USP10: variants seen among roughly 807,000 people sequenced by gnomAD.
The protein encoded by USP10 is ubiquitin specific peptidase 10.
Under a neutral mutation model 84.5 loss-of-function variants are expected in USP10, and 22 were observed. The ratio of observed to expected loss-of-function variants is 0.26; its 90% CI spans 0.19 to 0.37. The LOEUF (loss-of-function observed/expected upper bound fraction) is 0.37, where lower values mean the gene tolerates loss of function less well. USP10 is among the 10% of genes least tolerant of loss of function. USP10 has a pLI of 1.00. For missense variants in USP10, 1,019 were observed against 998.9 expected, an observed-to-expected ratio of 1.02 and a Z score of -0.27; for synonymous variants, 454 against 387.6, an observed-to-expected ratio of 1.17 and a Z score of -2.01.
rs201116534 is a variant in USP10, at chr16:84,734,250, TTTC to T, written c.90+750_90+752del. 7.2e-4 allele frequency among the ~76,000 whole-genome samples: 104 copies of T among 144,774 alleles called. 1 individual carries two copies. In the East Asian group the frequency reaches 0.016, roughly 22 times the overall value. 95.0% of individuals were successfully genotyped at this position (144,774 alleles called of 152,430 possible). ...ATTCCCATCAGCAGTGCATGGGAGT[TTTC>T]TTGCTCGTATTAAAAAAAAAATCTT... On this transcript the variant is annotated intron_variant, in intron 2 of 13. Transcript: ENST00000219473.
intron 4 of USP10, among the ~76,000 whole-genome samples, chr16:84,748,973 A>T (rs1911580214): frequency 6.6e-6 from 1 of 152,166 alleles, no homozygotes; most frequent in African/African-American, 2.4e-5. Context: ...AGATGTTTTA[A>T]TTTTCTGAGC....
chr16:84,720,202 A>G (rs1907599746), intron 1 of USP10, among the ~76,000 whole-genome samples: 1 of 152,068 alleles, frequency 6.6e-6, no homozygotes, highest in South Asian at 2.1e-4. Flanking sequence ...TTCTTTTTTC[A>G]TGGATGTCCT....
At chr16:84,738,841 C>T (rs1597339460) in intron 2 of USP10, among the ~76,000 whole-genome samples, 1 of 152,102 alleles carries the variant, frequency 6.6e-6, no homozygotes, top group Non-Finnish European at 1.5e-5. Context: ...GAGAACTCAG[C>T]TGAGGAAGCC....
At chr16:84,708,582 A>G (rs1185325089) in intron 1 of USP10, among the ~76,000 whole-genome samples, 2 of 152,190 alleles carry the variant, frequency 1.3e-5, no homozygotes, top group Non-Finnish European at 2.9e-5. Flanking sequence ...GAATAATGAG[A>G]AACTGGGTAA....
chr16:84,769,583 T>TTGAC (rs71384836), intron 11 of USP10, among the ~76,000 whole-genome samples: 1 of 151,408 alleles, frequency 6.6e-6, no homozygotes, highest in Admixed American at 6.6e-5. Context: ...CAGTTGTGCA[T>TTGAC]TGTGGGTGAC....
intron 1 of USP10, among the ~76,000 whole-genome samples, chr16:84,719,695 G>A (rs1344813275): frequency 6.6e-6 from 1 of 152,184 alleles, no homozygotes; most frequent in African/African-American, 2.4e-5. Flanking sequence ...CCCATAAGGG[G>A]GACTTTGAAG....
chr16:84,721,701 G>T (rs1353723182), intron 1 of USP10, among the ~76,000 whole-genome samples: 1 of 151,544 alleles, frequency 6.6e-6, no homozygotes, highest in African/African-American at 2.4e-5. Context: ...GCTTTGTTTT[G>T]TTTTGTTTTG....
At chr16:84,748,145 C>G (rs963534486) in intron 4 of USP10, among the ~76,000 whole-genome samples, 12 of 74,418 alleles carry the variant, frequency 1.6e-4, no homozygotes, top group Admixed American at 6.1e-4. Flanking sequence ...CAGAGCCAGA[C>G]TCCATCTCAA....
chr16:84,741,745 G>T (rs567444898), intron 3 of USP10, among the ~76,000 whole-genome samples: 18 of 152,168 alleles, frequency 1.2e-4, no homozygotes, highest in Non-Finnish European at 2.6e-4. Context: ...GCTTTTCTCT[G>T]CAGCCTTTCT....
chr16:84,756,979 G>A (rs148747194), intron 4 of USP10, among the ~76,000 whole-genome samples: 1 of 152,324 alleles, frequency 6.6e-6, no homozygotes, highest in African/African-American at 2.4e-5. Flanking sequence ...AACCTCTTGA[G>A]TCAGGTGGAC....
At position 84,769,319 on chromosome 16, in the gene USP10, T is replaced by G. The variant is rs80153232; in HGVS notation, c.1998+961T>G. 8.2e-3 allele frequency among the ~76,000 whole-genome samples: 1,255 copies of G among 152,262 alleles called. 9 individuals carry two copies. Among genetic ancestry groups the G allele is most frequent in the African/African-American group, 0.029 (1,196 of 41,536 alleles). On this transcript the variant is annotated intron_variant, in intron 11 of 13. Coordinates refer to ENST00000219473, the MANE Select transcript of USP10 (RefSeq NM_005153.3). ...TAGGACATAGGGACCCTTAGCACCTTCGGGGTGTCCTGCTGTGGACTGGTT... is the reference window on the plus strand; with the variant it reads ...TAGGACATAGGGACCCTTAGCACCTGCGGGGTGTCCTGCTGTGGACTGGTT...
chr16:84,708,444 C>A (rs1251189478), intron 1 of USP10, among the ~76,000 whole-genome samples: 1 of 152,108 alleles, frequency 6.6e-6, no homozygotes, highest in Non-Finnish European at 1.5e-5. Context: ...GAGTGAAACT[C>A]CATCTCAAAA....
intron 3 of USP10, among the ~76,000 whole-genome samples, chr16:84,740,720 G>A (rs1910525174): frequency 6.6e-6 from 1 of 152,252 alleles, no homozygotes; most frequent in South Asian, 2.1e-4. Flanking sequence ...GCTGGCTCCA[G>A]CGCCAGCTAG....
chr16:84,755,056 A>G (rs1363112043), intron 4 of USP10, among the ~76,000 whole-genome samples: 1 of 151,744 alleles, frequency 6.6e-6, no homozygotes, highest in African/African-American at 2.4e-5. Flanking sequence ...TGGCTGTGCA[A>G]TGCTTTCCTT....
chr16:84,711,217 C>T (rs755689407), intron 1 of USP10, among the ~76,000 whole-genome samples: 46 of 152,168 alleles, frequency 3.0e-4, no homozygotes, highest in African/African-American at 8.4e-4. Flanking sequence ...TGCCAGGGCC[C>T]GTGTTGGGAT....
chr16:84,717,343 C>G (rs917950648), intron 1 of USP10, among the ~76,000 whole-genome samples: 1 of 152,138 alleles, frequency 6.6e-6, no homozygotes, highest in Non-Finnish European at 1.5e-5. Flanking sequence ...AAATTTTGTG[C>G]AGATTAAATG....
At chr16:84,758,407 A>AAT (rs988458146) in intron 4 of USP10, among the ~76,000 whole-genome samples, 22 of 152,318 alleles carry the variant, frequency 1.4e-4, no homozygotes, top group African/African-American at 5.3e-4. Flanking sequence ...TCTATTCTCT[A>AAT]ATAATGATAC....
rs1915365183 is a variant in USP10, at chr16:84,779,649, C to T, written c.*567C>T. 1 of 152,818 alleles carries T rather than the reference C, an allele frequency of 6.5e-6. No individual in the cohort carries two copies. The highest frequency in any genetic ancestry group is 2.1e-4 in the South Asian group (1 of 4,826). 9.5% of individuals were successfully genotyped at this position (152,818 alleles called of 1,614,324 possible). A position where few individuals can be genotyped will look rare whatever the true frequency, so the allele number is the denominator to read the frequency against. ...TGTACTGAGAGAAACTGCTTACGTACACATTGCAGATCAAATATTTGGAGT... is the reference window on the plus strand; with the variant it reads ...TGTACTGAGAGAAACTGCTTACGTATACATTGCAGATCAAATATTTGGAGT... On this transcript the variant is annotated 3_prime_UTR_variant, in exon 14 of 14. Coordinates refer to ENST00000219473, the MANE Select transcript of USP10 (RefSeq NM_005153.3).
chr16:84,729,145 C>T (rs558798288), intron 1 of USP10, among the ~76,000 whole-genome samples: 1 of 152,318 alleles, frequency 6.6e-6, no homozygotes, highest in South Asian at 2.1e-4. Context: ...AATGCTTCTT[C>T]ATTGTAGTGC....
Sources: gnomAD v4.1 joint callset for allele counts (sites outside exome capture counted in the v4.1 genomes callset) on GRCh38, gnomAD v4.1.1 for gene constraint, MANE v1.5 for transcripts, NCBI Gene and HGNC (gene_info 2026-07-23, HGNC 2026-07-21) for gene names.